Variants in NUP85 observed in about 807,000 individuals in gnomAD.
NUP85 encodes the protein nuclear pore complex protein Nup85.
In NUP85, 23 loss-of-function variants were observed where a neutral mutation model predicts 92.8. The observed-to-expected ratio is 0.25, with a 90% CI of 0.18 to 0.35. The LOEUF is 0.35. Ranked by LOEUF, NUP85 falls within the 10% of genes least tolerant of loss-of-function variation. The pLI is 1.00. For missense variants in NUP85, 759 were observed against 822.8 expected (o/e 0.92, Z 0.95); for synonymous variants, 314 against 306.9 (o/e 1.02, Z -0.24).
Position 75,231,398 on chromosome 17 carries a change from A to G in NUP85, c.1153A>G (p.Lys385Glu), listed in dbSNP as rs371897302. 111 of 1,614,018 alleles carry G rather than the reference A, an allele frequency of 6.9e-5. No individual in the cohort carries two copies. Among genetic ancestry groups the G allele is most frequent in the Non-Finnish European group, 8.9e-5 (105 of 1,180,034 alleles). The change falls in exon 12 of 19, where the codon AAG becomes GAG. Residue 385 changes from lysine (K) to glutamate (E), a missense_variant. Lys to Glu is a moderately conservative substitution (Grantham distance 56). Transcript: ENST00000245544. This position sits in a 1 kb window ranked among gnomAD's most constrained non-coding sequence, Gnocchi z 4.6. ...AHLTDLLDHC[K>E]LLQSHNLYFG... is the part of the protein sequence containing the mutation. ...CCTGACAGACCTGCTGGACCACTGC[A>G]AGCTCCTCCAGTCACACAACCTCTA...
At chr17:75,229,953 T>C (rs1354243691) in intron 11 of NUP85, among the ~76,000 whole-genome samples, 3 of 152,168 alleles carry the variant, frequency 2.0e-5, no homozygotes, top group Admixed American at 2.0e-4. Context: ...TGAGGTGTCC[T>C]TTCCCCTGGC....
intron 11 of NUP85, among the ~76,000 whole-genome samples, chr17:75,229,290 G>A (rs72844571): frequency 9.9e-4 from 150 of 152,188 alleles, no homozygotes; most frequent in Admixed American, 2.7e-3. Flanking sequence ...GCAGGTAGAG[G>A]CACTGGAGCT....
At chr17:75,213,713 C>A (rs1397137213) in intron 5 of NUP85, among the ~76,000 whole-genome samples, 1 of 151,036 alleles carries the variant, frequency 6.6e-6, no homozygotes, top group Non-Finnish European at 1.5e-5. Context: ...CTCCTCACTT[C>A]TTGAACTCAA....
chr17:75,228,630 G>T, intron 11 of NUP85: 3 of 985,444 alleles, frequency 3.0e-6, no homozygotes, highest in Non-Finnish European at 3.6e-6. Context: ...GTTCTGGGCG[G>T]CAGGGAAGTG....
chr17:75,206,062 C>G (rs1395710988), intron 1 of NUP85, among the ~76,000 whole-genome samples: 1 of 152,082 alleles, frequency 6.6e-6, no homozygotes, highest in African/African-American at 2.4e-5. Flanking sequence ...GGCCTTTTTA[C>G]TTCCCTTGCT....
chr17:75,212,018 G>T lies in NUP85; in HGVS notation c.317G>T (p.Arg106Leu), dbSNP rs2075273418. The change falls in exon 4 of 19, where the codon CGA (arginine) becomes CTA (leucine). Residue 106 changes from arginine to leucine, a missense_variant. Arg to Leu is a moderately radical substitution (Grantham distance 102). Coordinates refer to ENST00000245544, the MANE Select transcript of NUP85 (RefSeq NM_024844.5). ...TTGGTTCGAGTGAGTAAAAACTACC[G>T]ATCAGTCATCAGAGCATGTATGGAG... ...SQLVRVSKNY[R>L]SVIRACMEEM... 1 of 1,613,450 alleles carries T rather than the reference G, an allele frequency of 6.2e-7. No homozygotes were observed. The highest frequency in any genetic ancestry group is 8.5e-7 in the Non-Finnish European group (1 of 1,179,804).
chr17:75,231,199 G>A lies in NUP85; in HGVS notation c.1095-141G>A. On this transcript the variant is annotated intron_variant, in intron 11 of 18. Transcript: ENST00000245544. This position sits in a 1 kb window ranked among gnomAD's most constrained non-coding sequence, Gnocchi z 4.6. ...CTGCCTTGGCCTCCCAAAGTACTGGGATCACGGGCATGAGCTATCATCACG... is the reference window on the plus strand; with the variant it reads ...CTGCCTTGGCCTCCCAAAGTACTGGAATCACGGGCATGAGCTATCATCACG... The A allele has an allele frequency of 2.5e-6, 2 of 796,358 alleles. No homozygotes were observed. The highest frequency in any genetic ancestry group is 4.2e-6 in the Non-Finnish European group (2 of 474,096). 49.3% of individuals were successfully genotyped at this position (796,358 alleles called of 1,614,324 possible).
chr17:75,229,949 G>T (rs113293430), intron 11 of NUP85, among the ~76,000 whole-genome samples: 1 of 152,114 alleles, frequency 6.6e-6, no homozygotes, highest in African/African-American at 2.4e-5. Flanking sequence ...AAGCTGAGGT[G>T]TCCTTTCCCC....
At position 75,234,618 on chromosome 17, in the gene NUP85, T is replaced by C. The variant is rs750266918; in HGVS notation, c.1616-19T>C. On this transcript the variant is annotated intron_variant, in intron 16 of 18. Coordinates refer to ENST00000245544, the MANE Select transcript of NUP85 (RefSeq NM_024844.5). ...TTGGGGGAATATGCAGGTTACTCAG[T>C]GCTCTTGTTTCGCCATAGGAAAGTA... 2 of 1,613,526 alleles carry C rather than the reference T, an allele frequency of 1.2e-6. No homozygotes were observed. Among genetic ancestry groups the C allele is most frequent in the Non-Finnish European group, 1.7e-6 (2 of 1,179,428 alleles).
intron 7 of NUP85, among the ~76,000 whole-genome samples, chr17:75,222,495 ATTTTTTTTTTTTTTT>A (rs578181379): frequency 1.2e-5 from 1 of 83,430 alleles, no homozygotes; most frequent in African/African-American, 5.0e-5. Flanking sequence ...TATATTTGTG[ATTTTTTTTTTTTTTT>A]TTTTTTTTTT....
In NUP85 at chr17:75,234,841, TTA is replaced by T. The variant is rs3214915; in HGVS notation, c.1767+54_1767+55del. The T allele has an allele frequency of 0.02, 31,375 of 1,603,254 alleles. 2,189 individuals carry two copies. The African/African-American group carries it at 0.2, about 10-fold the overall frequency. On this transcript the variant is annotated intron_variant, in intron 17 of 18. Transcript: ENST00000245544. ...TTTGCTTGTCAGTCCCTGCTAGAGCTTAGTTGTATAGCTGTTGCCGATGTGCG... is the reference window on the plus strand; with the variant it reads ...TTTGCTTGTCAGTCCCTGCTAGAGCTGTTGTATAGCTGTTGCCGATGTGCG...
At chr17:75,207,206 G>A (rs1404650574) in intron 1 of NUP85, among the ~76,000 whole-genome samples, 2 of 150,292 alleles carry the variant, frequency 1.3e-5, no homozygotes, top group African/African-American at 2.4e-5. Flanking sequence ...CTCTTGAGGC[G>A]GAGTTTCCCT....
intron 11 of NUP85, among the ~76,000 whole-genome samples, chr17:75,229,708 TGTTA>T (rs1198534781): frequency 3.3e-5 from 5 of 152,188 alleles, no homozygotes; most frequent in African/African-American, 7.2e-5. Flanking sequence ...TGAGTTGTGT[TGTTA>T]GTTCTCTGCT....
intron 11 of NUP85, among the ~76,000 whole-genome samples, chr17:75,226,488 G>A (rs114070666): frequency 5.9e-5 from 9 of 152,170 alleles, no homozygotes; most frequent in South Asian, 2.1e-4. Flanking sequence ...TCATCAAGTC[G>A]CTTTATAAGG....
intron 6 of NUP85, among the ~76,000 whole-genome samples, chr17:75,217,373 A>ATT (rs60288170): frequency 0.65 from 96,676 of 148,658 alleles, 34,621 homozygotes; most frequent in East Asian, 0.87. Flanking sequence ...CTAATTTTTT[A>ATT]TTTTTTTTTG....
Position 75,233,157 on chromosome 17 carries a change from G to T in NUP85, c.1614G>T (p.Leu538=). Residue 538 remains leucine (L), a splice_region_variant and synonymous_variant, in exon 16 of 19, where the codon CTG becomes CTT. Transcript: ENST00000245544. ...TGCTCAGTGACCGACTGACATTCCT[G>T]GGTGAGTCTCTGGGTTTTGTGCCCT... is the stretch of plus-strand genomic sequence containing the variant. ...AMMLSDRLTF[L]GKYREFHRMY... 6.2e-7 allele frequency: 1 copy of T among 1,613,822 alleles called. No homozygotes were observed. The highest frequency in any genetic ancestry group is 1.7e-5 in the Admixed American group (1 of 60,014).
chr17:75,228,248 G>T, intron 11 of NUP85: 1 of 985,366 alleles, frequency 1.0e-6, no homozygotes, highest in Non-Finnish European at 1.2e-6. Flanking sequence ...TCCAGTGGCA[G>T]AAGAGAAAGA....
At chr17:75,214,586 C>T (rs894948369) in intron 5 of NUP85, among the ~76,000 whole-genome samples, 4 of 152,204 alleles carry the variant, frequency 2.6e-5, no homozygotes, top group Non-Finnish European at 5.9e-5. Context: ...AGGCTGGGCG[C>T]AGTGGCTCAC....
intron 6 of NUP85, chr17:75,216,453 T>TGAG (rs1419358177): frequency 1.3e-5 from 2 of 152,520 alleles, no homozygotes; most frequent in Admixed American, 6.5e-5. Context: ...TTAGTGGAGA[T>TGAG]GAGGTTTCTC....
Sources: gnomAD v4.1 joint callset for allele counts (sites outside exome capture counted in the v4.1 genomes callset) on GRCh38, gnomAD v4.1.1 for gene constraint, Gnocchi (gnomAD v3.1) non-coding constraint, MANE v1.5 for transcripts, NCBI Gene and HGNC (gene_info 2026-07-23, HGNC 2026-07-21) for gene names.